The following STXBP4 variants were observed in gnomAD, a reference collection of about 807,000 sequenced individuals.
The protein encoded by STXBP4 is syntaxin-binding protein 4.
Under a neutral mutation model 76.1 loss-of-function variants are expected in STXBP4, and 55 were observed. The ratio of observed to expected loss-of-function variants is 0.72; its 90% CI spans 0.58 to 0.91. STXBP4 has a LOEUF of 0.91. Among genes scored for constraint, STXBP4 ranks in the 40% least tolerant of loss-of-function variants. STXBP4 has a pLI of 0.00. For synonymous variants in STXBP4, 201 were observed against 220.2 expected, an observed-to-expected ratio of 0.91 and a Z score of 0.77; for missense variants, 618 against 636.9, an observed-to-expected ratio of 0.97 and a Z score of 0.32.
Position 55,007,059 on chromosome 17 carries a change from C to T in STXBP4, c.575-447C>T, listed in dbSNP as rs534301890. On this transcript the variant is annotated intron_variant, in intron 7 of 17. Coordinates refer to ENST00000376352, the MANE Select transcript of STXBP4 (RefSeq NM_178509.6). Reference sequence around the variant, plus strand: ...ACTTAAAAAAATTATGAAAACTTGCCGGGTGTGGTGGCTCACTCCTGTAAT... The same window carrying T: ...ACTTAAAAAAATTATGAAAACTTGCTGGGTGTGGTGGCTCACTCCTGTAAT... Among the ~76,000 whole-genome samples, 21 of 152,024 alleles carry T rather than the reference C, an allele frequency of 1.4e-4. 1 individual carries two copies. Among genetic ancestry groups the T allele is most frequent in the Middle Eastern group, 6.8e-3 (2 of 294 alleles).
At chr17:55,091,815 C>A (rs1266949039) in intron 16 of STXBP4, among the ~76,000 whole-genome samples, 2 of 152,152 alleles carry the variant, frequency 1.3e-5, no homozygotes, top group Non-Finnish European at 2.9e-5. Context: ...GTTCAATGAT[C>A]ACAAATTTGG....
At chr17:55,128,858 G>A (rs558963583) in intron 16 of STXBP4, among the ~76,000 whole-genome samples, 45 of 150,664 alleles carry the variant, frequency 3.0e-4, no homozygotes, top group Admixed American at 5.9e-4. Flanking sequence ...CAGGTGATTC[G>A]CCCTCCTTGG....
chr17:55,185,888 A>G, the STXBP4 span, among the ~76,000 whole-genome samples: 1 of 152,220 alleles, frequency 6.6e-6, no homozygotes, highest in African/African-American at 2.4e-5. Flanking sequence ...GTTTAAAGGC[A>G]CGGAGAAAGG....
the STXBP4 span, among the ~76,000 whole-genome samples, chr17:55,205,419 T>TA: frequency 6.6e-6 from 1 of 151,938 alleles, no homozygotes; most frequent in Non-Finnish European, 1.5e-5. Context: ...GCACACAAAG[T>TA]AAAAACAAAT....
chr17:55,208,319 G>A, the STXBP4 span, among the ~76,000 whole-genome samples: 1 of 152,042 alleles, frequency 6.6e-6, no homozygotes, highest in African/African-American at 2.4e-5. Context: ...AACTGCTTTT[G>A]TGCACCTGTT....
intron 16 of STXBP4, among the ~76,000 whole-genome samples, chr17:55,106,597 A>G (rs1350086732): frequency 1.3e-5 from 2 of 152,122 alleles, no homozygotes; most frequent in Non-Finnish European, 2.9e-5. Flanking sequence ...AGTGGCTGGT[A>G]CCGATTTTTC....
At chr17:55,011,251 A>T (rs1198270302) in intron 8 of STXBP4, among the ~76,000 whole-genome samples, 1 of 151,768 alleles carries the variant, frequency 6.6e-6, no homozygotes, top group Non-Finnish European at 1.5e-5. Flanking sequence ...AATTTTTTTT[A>T]AATTTCTTTA....
At chr17:55,207,650 A>G in the STXBP4 span, among the ~76,000 whole-genome samples, 1 of 152,158 alleles carries the variant, frequency 6.6e-6, no homozygotes, top group African/African-American at 2.4e-5. Context: ...TATGGGGTGT[A>G]TTTTGTGCTT....
Position 55,031,195 on chromosome 17 carries a change from A to G in STXBP4, c.694A>G (p.Thr232Ala). 1 of 1,613,340 alleles carries G rather than the reference A, an allele frequency of 6.2e-7. No individual in the cohort carries two copies. The highest frequency in any genetic ancestry group is 8.5e-7 in the Non-Finnish European group (1 of 1,179,454). ...MALNYLGIQP[T>A]KEQHQALRQQ... ...TCTAAATTATCTTGGTATTCAGCCC[A>G]CAAAGGAACAACACCAAGCCCTGAG... Residue 232 changes from threonine (T) to alanine (A), a missense_variant, in exon 9 of 18, where the codon ACA (threonine) becomes GCA (alanine). By Grantham distance (58) the Thr-to-Ala change is moderately conservative. Transcript: ENST00000376352.
At chr17:55,113,128 T>A (rs2079740628) in intron 16 of STXBP4, among the ~76,000 whole-genome samples, 4 of 151,880 alleles carry the variant, frequency 2.6e-5, no homozygotes, top group Admixed American at 2.6e-4. Context: ...TATGTAACAC[T>A]GCAGTTTAAA....
intron 12 of STXBP4, among the ~76,000 whole-genome samples, chr17:55,067,145 C>T (rs2079062016): frequency 6.6e-6 from 1 of 152,022 alleles, no homozygotes; most frequent in African/African-American, 2.4e-5. Context: ...AGTACCTGCT[C>T]ATATTAGATA....
At chr17:55,212,939 G>A in the STXBP4 span, among the ~76,000 whole-genome samples, 3 of 152,146 alleles carry the variant, frequency 2.0e-5, no homozygotes, top group African/African-American at 7.2e-5. Context: ...GGACACGCAT[G>A]AACCCTAAGG....
intron 16 of STXBP4, among the ~76,000 whole-genome samples, chr17:55,122,316 A>G (rs1054555972): frequency 6.6e-6 from 1 of 152,202 alleles, no homozygotes; most frequent in African/African-American, 2.4e-5. Flanking sequence ...ACTGGTACAA[A>G]CCACAGAAGT....
At chr17:55,046,452 T>C (rs2078789827) in intron 11 of STXBP4, among the ~76,000 whole-genome samples, 1 of 152,002 alleles carries the variant, frequency 6.6e-6, no homozygotes, top group African/African-American at 2.4e-5. Flanking sequence ...GCTCTTAAAT[T>C]ACTCTTAGTA....
At chr17:55,055,588 T>C (rs1239169533) in intron 12 of STXBP4, among the ~76,000 whole-genome samples, 2 of 152,178 alleles carry the variant, frequency 1.3e-5, no homozygotes, top group Non-Finnish European at 2.9e-5. Flanking sequence ...TCTCCAGGAC[T>C]TTCCATCTCA....
At chr17:55,197,508 C>T in the STXBP4 span, among the ~76,000 whole-genome samples, 1 of 152,114 alleles carries the variant, frequency 6.6e-6, no homozygotes, top group Non-Finnish European at 1.5e-5. Flanking sequence ...CTTTGGGAGG[C>T]CAAGGCGGGC....
chr17:54,992,373 C>A (rs2077730934), intron 4 of STXBP4, among the ~76,000 whole-genome samples: 1 of 150,728 alleles, frequency 6.6e-6, no homozygotes, highest in Admixed American at 6.6e-5. Flanking sequence ...CATGATCGTG[C>A]CACTGCACTC....
At chr17:55,068,847 T>A (rs928212016) in intron 12 of STXBP4, among the ~76,000 whole-genome samples, 1 of 152,160 alleles carries the variant, frequency 6.6e-6, no homozygotes, top group Non-Finnish European at 1.5e-5. Context: ...TCTGAGATTC[T>A]AACCTAGTTA....
chr17:55,182,759 CAAA>C, the STXBP4 span, among the ~76,000 whole-genome samples: 1 of 151,272 alleles, frequency 6.6e-6, no homozygotes, highest in Non-Finnish European at 1.5e-5. Flanking sequence ...TAATAAGAGA[CAAA>C]AAACAATAGA....
Sources: allele counts gnomAD v4.1 joint callset (sites outside exome capture counted in the v4.1 genomes callset), GRCh38; gene constraint gnomAD v4.1.1; transcripts MANE v1.5; gene names NCBI Gene and HGNC (gene_info 2026-07-23, HGNC 2026-07-21).